Variants in GABRG1 observed in about 807,000 individuals in gnomAD.
The protein encoded by GABRG1 is gamma-aminobutyric acid type A receptor subunit gamma1.
A neutral mutation model predicts 49.8 loss-of-function variants in GABRG1; 49 were observed. That is an observed-to-expected ratio of 0.98 (90% CI 0.78 to 1.25). The LOEUF is 1.25. Among genes scored for constraint, GABRG1 ranks in the 50% most tolerant of loss-of-function variants. The pLI, the probability that GABRG1 is intolerant of heterozygous loss-of-function variation, is 0.00. For synonymous variants in GABRG1, 232 were observed against 185.1 expected, an observed-to-expected ratio of 1.25 and a Z score of -2.06; for missense variants, 552 against 552.3, an observed-to-expected ratio of 1.00 and a Z score of 0.01.
chr4:46,053,862 T>C lies in GABRG1; in HGVS notation c.917-2224A>G, dbSNP rs117045837. ...GAACATAGTGGATTTTCTATTAAAA[T>C]ATTTCTGAGTCCGTGATAATAAAAA... On this transcript the variant is annotated intron_variant, in intron 7 of 8. Coordinates refer to ENST00000295452, the MANE Select transcript of GABRG1 (RefSeq NM_173536.4). Among the ~76,000 whole-genome samples the C allele has an allele frequency of 8.7e-4, 133 of 152,158 alleles. 2 individuals are homozygous for C. The East Asian group carries it at 0.025, about 28-fold the overall frequency.
rs556139166 is a variant in GABRG1 at position 46,038,644 on chromosome 4, A to G, written c.*2344T>C. On this transcript the variant is annotated 3_prime_UTR_variant, in exon 9 of 9. Transcript: ENST00000295452. ...TGAATCAGCTTTGAAAAAAAGCTGT[A>G]TTTGATTTCTTGAGAAAGAAGTCTA... The G allele has an allele frequency of 7.4e-4, 112 of 151,752 alleles. No individual in the cohort carries two copies. Among genetic ancestry groups the G allele is most frequent in the African/African-American group, 1.9e-3 (80 of 41,550 alleles). The allele number at this position is 151,752 out of a possible 1,614,324, so 9.4% of individuals were successfully genotyped here.
At chr4:46,062,136 T>C (rs1718720032) in intron 5 of GABRG1, among the ~76,000 whole-genome samples, 1 of 151,184 alleles carries the variant, frequency 6.6e-6, no homozygotes, top group Non-Finnish European at 1.5e-5. Flanking sequence ...GTTTGGTTTT[T>C]TGTCCTTGTG....
chr4:46,071,929 G>A (rs1719141191), intron 3 of GABRG1, among the ~76,000 whole-genome samples: 1 of 152,054 alleles, frequency 6.6e-6, no homozygotes, highest in African/African-American at 2.4e-5. Context: ...TAAGTGCACA[G>A]TGTTTATAAG....
At position 46,119,522 on chromosome 4, in the gene GABRG1, ATTC is replaced by A. The variant is rs933653289; in HGVS notation, c.104+4285_104+4287del. 7.3e-5 allele frequency among the ~76,000 whole-genome samples: 11 copies of A among 151,474 alleles called. No individual in the cohort carries two copies. The East Asian group carries it at 7.8e-4, about 11-fold the overall frequency. On this transcript the variant is annotated intron_variant, in intron 1 of 8. Coordinates refer to ENST00000295452, the MANE Select transcript of GABRG1 (RefSeq NM_173536.4). The stretch of plus-strand genomic sequence containing the variant: ...GAGAGAATAACAATATCGAGGCTAT[ATTC>A]TTCTTCTTCTTCTCATTAGGTAATT...
intron 1 of GABRG1, among the ~76,000 whole-genome samples, 193 bp downstream of exon 1, chr4:46,123,617 T>A (rs1465973824): frequency 6.6e-6 from 1 of 152,110 alleles, no homozygotes; most frequent in Non-Finnish European, 1.5e-5. Context: ...AATCTCATGC[T>A]TCAGAAATAT....
chr4:46,041,096 T>C lies in GABRG1; in HGVS notation c.1290A>G (p.Gly430=). 1.2e-6 allele frequency: 2 copies of C among 1,613,186 alleles called. No homozygotes were observed. Among genetic ancestry groups the C allele is most frequent in the South Asian group, 1.1e-5 (1 of 91,072 alleles). Residue 430 remains glycine (G), a synonymous_variant, in exon 9 of 9, where the codon GGA becomes GGG. Transcript: ENST00000295452. The part of the protein sequence containing the change: ...EDCRTGSWRE[G]RIHIRIAKID... ...TTTTGGCAATGCGTATGTGTATCCT[T>C]CCTTCCCTCCAAGATCCTGTTCTGC...
chr4:46,045,327 GA>G (rs34912753), intron 8 of GABRG1, among the ~76,000 whole-genome samples: 1 of 151,890 alleles, frequency 6.6e-6, no homozygotes, highest in African/African-American at 2.4e-5. Flanking sequence ...ATGAAATCTT[GA>G]AAAAACTGCT....
At chr4:46,050,051 G>T (rs761460407) in intron 8 of GABRG1, among the ~76,000 whole-genome samples, 4 of 151,806 alleles carry the variant, frequency 2.6e-5, no homozygotes, top group Non-Finnish European at 4.4e-5. Flanking sequence ...ACGATAAAAT[G>T]GAAAATCCAG....
intron 5 of GABRG1, among the ~76,000 whole-genome samples, chr4:46,059,144 T>G (rs1718569755): frequency 6.6e-6 from 1 of 152,172 alleles, no homozygotes; most frequent in African/African-American, 2.4e-5. Context: ...TAGCTAAATT[T>G]CTTCCATTGT....
Position 46,083,893 on chromosome 4 carries a change from A to C in GABRG1, c.321+93T>G, listed in dbSNP as rs183388907. On this transcript the variant is annotated intron_variant, in intron 3 of 8. Coordinates refer to ENST00000295452, the MANE Select transcript of GABRG1 (RefSeq NM_173536.4). ...TGTTGATCTGAATTCATTCAGAATT[A>C]ACTATAAAAAATTACTCACATGCGA... 1.9e-4 allele frequency: 138 copies of C among 734,076 alleles called. No homozygotes were observed. In the Admixed American group the frequency reaches 3.2e-3, roughly 17 times the overall value. 45.5% of individuals were successfully genotyped at this position (734,076 alleles called of 1,614,324 possible).
chr4:46,113,402 T>C (rs11945149), intron 1 of GABRG1, among the ~76,000 whole-genome samples: 14,499 of 150,830 alleles, frequency 0.096, 1,727 homozygotes, highest in African/African-American at 0.29. Context: ...CTCACTATCA[T>C]GAGAACAGCA....
chr4:46,111,005 A>C (rs899669622), intron 1 of GABRG1, among the ~76,000 whole-genome samples: 1 of 151,026 alleles, frequency 6.6e-6, no homozygotes, highest in Non-Finnish European at 1.5e-5. Context: ...CCAGAGCAAT[A>C]TGGCAAGAGA....
intron 8 of GABRG1, among the ~76,000 whole-genome samples, chr4:46,050,756 G>A (rs1046423663): frequency 6.6e-6 from 1 of 151,782 alleles, no homozygotes; most frequent in African/African-American, 2.4e-5. Context: ...CCTCTACTTA[G>A]AGAGTTGCTC....
rs534490336 is a variant in GABRG1 at position 46,111,623 on chromosome 4, T to C, written c.104+12187A>G. The stretch of plus-strand genomic sequence containing the variant: ...AAAGGCTGCAGTAACCAAAACAGCA[T>C]GGTACTGGTACAAAAACAGACACAT... On this transcript the variant is annotated intron_variant, in intron 1 of 8. Coordinates refer to ENST00000295452, the MANE Select transcript of GABRG1 (RefSeq NM_173536.4). Among the ~76,000 whole-genome samples, 31 of 151,462 alleles carry C rather than the reference T, an allele frequency of 2.0e-4. No homozygotes were observed. In the South Asian group the frequency reaches 6.0e-3, roughly 29 times the overall value.
At position 46,051,605 on chromosome 4, in the gene GABRG1, C is replaced by G. The variant is rs1005752345; in HGVS notation, c.950G>C (p.Ser317Thr). The change falls in exon 8 of 9, where the codon AGT becomes ACT. Residue 317 changes from serine to threonine, a missense_variant. Transcript: ENST00000295452. The part of the protein sequence containing the change: ...ITTVLTMTTL[S>T]TIARKSLPKV... Reference sequence around the variant, plus strand: ...AGGTAAAGACTTCCTGGCAATTGTACTCAGGGTTGTCATAGTCAGAACTGT... The same window carrying G: ...AGGTAAAGACTTCCTGGCAATTGTAGTCAGGGTTGTCATAGTCAGAACTGT... The G allele has an allele frequency of 1.2e-6, 2 of 1,610,470 alleles. No homozygotes were observed. Among genetic ancestry groups the G allele is most frequent in the Non-Finnish European group, 8.5e-7 (1 of 1,177,716 alleles).
At chr4:46,082,785 G>A (rs1406123974) in intron 3 of GABRG1, among the ~76,000 whole-genome samples, 2 of 151,340 alleles carry the variant, frequency 1.3e-5, no homozygotes, top group Non-Finnish European at 3.0e-5. Flanking sequence ...CTACCCTTCT[G>A]ACTTTTCTGA....
At chr4:46,056,836 T>G (rs1718469829) in intron 7 of GABRG1, among the ~76,000 whole-genome samples, 1 of 152,098 alleles carries the variant, frequency 6.6e-6, no homozygotes, top group Non-Finnish European at 1.5e-5. Flanking sequence ...ACAAGAGATA[T>G]TTGTCAAGTT....
At chr4:46,116,177 C>T (rs1720879961) in intron 1 of GABRG1, among the ~76,000 whole-genome samples, 1 of 150,864 alleles carries the variant, frequency 6.6e-6, no homozygotes, top group Non-Finnish European at 1.5e-5. Context: ...ATGAAATCTT[C>T]AGAAGGCTGG....
chr4:46,121,036 C>G (rs906473291), intron 1 of GABRG1, among the ~76,000 whole-genome samples: 1 of 151,678 alleles, frequency 6.6e-6, no homozygotes. Flanking sequence ...GGAACCATGA[C>G]TACAGTTTTA....
Sources: allele counts gnomAD v4.1 joint callset (sites outside exome capture counted in the v4.1 genomes callset), GRCh38; gene constraint gnomAD v4.1.1; transcripts MANE v1.5; gene names NCBI Gene and HGNC (gene_info 2026-07-23, HGNC 2026-07-21).